Variants in GCN1 observed in about 807,000 individuals in gnomAD.
GCN1 encodes the protein GCN1 activator of EIF2AK4, also known as stalled ribosome sensor GCN1.
In GCN1, 90 loss-of-function variants were observed where a neutral mutation model predicts 288.4. That is an observed-to-expected ratio of 0.31 (90% CI 0.26 to 0.37). The LOEUF (loss-of-function observed/expected upper bound fraction) is 0.37. Ranked by LOEUF, GCN1 falls within the 10% of genes least tolerant of loss-of-function variation. GCN1 has a pLI of 1.00. For missense variants in GCN1, 2,586 were observed against 3,419.9 expected, an observed-to-expected ratio of 0.76 and a Z score of 6.08; for synonymous variants, 1,386 against 1,420.2, an observed-to-expected ratio of 0.98 and a Z score of 0.54.
At chr12:120,146,074 C>T (rs772279837) in intron 38 of GCN1, among the ~76,000 whole-genome samples, 12 of 152,018 alleles carry the variant, frequency 7.9e-5, no homozygotes, top group Non-Finnish European at 1.5e-4. Flanking sequence ...CGAGACCAGC[C>T]TGGCCAACAT....
Position 120,145,052 on chromosome 12 carries a change from C to T in GCN1, c.5026G>A (p.Val1676Ile), listed in dbSNP as rs1336326402. Reference sequence around the variant, plus strand: ...ATGGCCCCAAGGGCCTTTGCAGATACGGTCCGCACCTGTCAGGTAACCGAG... The same window carrying T: ...ATGGCCCCAAGGGCCTTTGCAGATATGGTCCGCACCTGTCAGGTAACCGAG... ...LLDPVPEVRTVSAKALGAMVK... is the reference protein window; with the variant it reads ...LLDPVPEVRTISAKALGAMVK... Residue 1676 changes from valine (V) to isoleucine (I), a missense_variant, in exon 40 of 58, where the codon GTA (valine) becomes ATA (isoleucine). Val to Ile is a conservative substitution (Grantham distance 29, BLOSUM62 3). This residue lies in a region of GCN1 where 371 missense variants were observed against 572.6 expected (regional missense o/e 0.65). Transcript: ENST00000300648. The T allele has an allele frequency of 8.7e-6, 14 of 1,613,840 alleles. No individual in the cohort carries two copies. Among genetic ancestry groups the T allele is most frequent in the Admixed American group, 5.0e-5 (3 of 60,008 alleles).
At chr12:120,193,902 C>A (rs1293795067) in intron 1 of GCN1, among the ~76,000 whole-genome samples, 4 of 152,166 alleles carry the variant, frequency 2.6e-5, no homozygotes, top group African/African-American at 9.7e-5. Context: ...CCAAATCAGC[C>A]CAGCTGTCCT....
In GCN1 at chr12:120,144,833, A is replaced by C; in HGVS notation, c.5158T>G (p.Leu1720Val). ...SVDRSGAAQGLAEVMAGLGVE... is the reference protein window; with the variant it reads ...SVDRSGAAQGVAEVMAGLGVE... ...CCCAAACCGGCCATGACCTCAGCCA[A>C]CCCTGCAACAAAGGACAGAATGAGT... The change falls in exon 41 of 58, where the codon TTG (leucine) becomes GTG (valine). Residue 1720 changes from leucine (L) to valine (V), a missense_variant and splice_region_variant. This residue lies in a region of GCN1 where 371 missense variants were observed against 572.6 expected (regional missense o/e 0.65). Transcript: ENST00000300648. The surrounding 1 kb of genome is among the most constrained non-coding windows in gnomAD (Gnocchi z 4.7). 6.2e-7 allele frequency: 1 copy of C among 1,614,088 alleles called. No individual in the cohort carries two copies. The highest frequency in any genetic ancestry group is 8.5e-7 in the Non-Finnish European group (1 of 1,179,998).
At chr12:120,129,702 C>G (rs936685017) in intron 56 of GCN1, among the ~76,000 whole-genome samples, 1 of 152,126 alleles carries the variant, frequency 6.6e-6, no homozygotes, top group Non-Finnish European at 1.5e-5. Context: ...AGCCCGCATG[C>G]GTTTTTACTT....
intron 10 of GCN1, 82 bp from the exon 11 acceptor site, chr12:120,175,956 C>G (rs1878469765): frequency 6.6e-7 from 1 of 1,503,812 alleles, no homozygotes; most frequent in African/African-American, 1.4e-5. Flanking sequence ...ATGCCCCCAT[C>G]TCTTCAGTAT....
chr12:120,176,623 A>G (rs1414847767), intron 9 of GCN1, among the ~76,000 whole-genome samples: 3 of 152,216 alleles, frequency 2.0e-5, no homozygotes, highest in African/African-American at 7.2e-5. Flanking sequence ...TGAACACTTG[A>G]TATTTTCTGG....
intron 45 of GCN1, 111 bp from the exon 46 acceptor site, chr12:120,138,967 CTT>C (rs1877101773): frequency 1.2e-6 from 1 of 816,750 alleles, no homozygotes; most frequent in African/African-American, 1.7e-5. Flanking sequence ...CCCTAACTCT[CTT>C]TGCCTGACTT....
chr12:120,162,745 T>C (rs1877970030), intron 20 of GCN1, 102 bp downstream of exon 20: 1 of 1,293,996 alleles, frequency 7.7e-7, no homozygotes, highest in Non-Finnish European at 1.1e-6. Context: ...AGCCTACATT[T>C]CATCCATCTT....
intron 21 of GCN1, 103 bp downstream of exon 21, chr12:120,161,777 A>T: frequency 8.8e-7 from 1 of 1,141,712 alleles, no homozygotes; most frequent in Non-Finnish European, 1.3e-6. Context: ...ATGAATGGAT[A>T]GGCTGTTGCA....
intron 18 of GCN1, 31 bp downstream of exon 18, chr12:120,164,305 A>G: frequency 6.3e-7 from 1 of 1,587,156 alleles, no homozygotes. Context: ...TGGATCCAAG[A>G]GCCCCAGTTC....
chr12:120,150,525 G>A (rs1396241821), intron 34 of GCN1, among the ~76,000 whole-genome samples: 2 of 151,900 alleles, frequency 1.3e-5, no homozygotes, highest in African/African-American at 2.4e-5. Context: ...AACCCAGGAG[G>A]TGAAGATTGC....
chr12:120,158,117 G>A lies in GCN1; in HGVS notation c.2906-87C>T. 1.5e-6 allele frequency: 2 copies of A among 1,341,408 alleles called. No homozygotes were observed. Among genetic ancestry groups the A allele is most frequent in the Non-Finnish European group, 2.1e-6 (2 of 959,584 alleles). 83.1% of individuals were successfully genotyped at this position (1,341,408 alleles called of 1,614,324 possible). ...CTATTTCTATCCTCAGGGAAAGTAG[G>A]GAACGGATGGACCAGAGGCCCGTTC... On this transcript the variant is annotated intron_variant, in intron 25 of 57. Coordinates refer to ENST00000300648, the MANE Select transcript of GCN1 (RefSeq NM_006836.2). The surrounding 1 kb of genome is among the most constrained non-coding windows in gnomAD (Gnocchi z 4.3).
rs1416776248 is a variant in GCN1 at position 120,154,917 on chromosome 12, C to T, written c.3701+53G>A. The T allele has an allele frequency of 6.0e-6, 9 of 1,507,630 alleles. No individual in the cohort carries two copies. The Admixed American group carries it at 1.3e-4, about 22-fold the overall frequency. The allele number at this position is 1,507,630 out of a possible 1,614,324, so 93.4% of individuals were successfully genotyped here. The stretch of plus-strand genomic sequence containing the variant: ...CTCCTCACAGCACCCACCCAGCCAA[C>T]CTGCCACATCTCACAAAGCTTGGAG... On this transcript the variant is annotated intron_variant, in intron 31 of 57. Coordinates refer to ENST00000300648, the MANE Select transcript of GCN1 (RefSeq NM_006836.2).
In GCN1 at chr12:120,136,669, C is replaced by T; in HGVS notation, c.6841G>A (p.Glu2281Lys). 6.2e-7 allele frequency: 1 copy of T among 1,614,128 alleles called. No homozygotes were observed. Among genetic ancestry groups the T allele is most frequent in the Non-Finnish European group, 8.5e-7 (1 of 1,180,038 alleles). Residue 2281 changes from glutamate (E) to lysine (K), a missense_variant, in exon 51 of 58, where the codon GAG (glutamate) becomes AAG (lysine). Glu to Lys is a moderately conservative substitution (Grantham distance 56). Coordinates refer to ENST00000300648, the MANE Select transcript of GCN1 (RefSeq NM_006836.2). Reference protein sequence around the residue: ...GVLTGSPEQKEEAAKALGLVI... With the variant: ...GVLTGSPEQKKEAAKALGLVI... The stretch of plus-strand genomic sequence containing the variant: ...AAGCCTAAGGCTTTGGCTGCCTCCT[C>T]CTTCTGCTCAGGGCTGCCAGTCAGG...
At chr12:120,163,780 T>G (rs1878012137) in intron 18 of GCN1, among the ~76,000 whole-genome samples, 1 of 152,230 alleles carries the variant, frequency 6.6e-6, no homozygotes, top group African/African-American at 2.4e-5. Context: ...TAGAAAATGC[T>G]TTAAAAAGTA....
At position 120,157,967 on chromosome 12, in the gene GCN1, G is replaced by A. The variant is rs762831193; in HGVS notation, c.2969C>T (p.Thr990Met). ...LVFPFLKMVL[T>M]EMPHHSEEEE... ...CTCCTCACTGTGGTGGGGCATCTCCGTCAGCACCATCTTCAGAAACGGGAA... is the reference window on the plus strand; with the variant it reads ...CTCCTCACTGTGGTGGGGCATCTCCATCAGCACCATCTTCAGAAACGGGAA... Residue 990 changes from threonine to methionine, a missense_variant, in exon 26 of 58, where the codon ACG (threonine) becomes ATG (methionine). Coordinates refer to ENST00000300648, the MANE Select transcript of GCN1 (RefSeq NM_006836.2). The A allele has an allele frequency of 1.2e-5, 20 of 1,613,882 alleles. No homozygotes were observed. The highest frequency in any genetic ancestry group is 8.3e-5 in the Admixed American group (5 of 60,016).
chr12:120,194,037 C>T (rs973337434), intron 1 of GCN1, among the ~76,000 whole-genome samples: 2 of 152,262 alleles, frequency 1.3e-5, no homozygotes, highest in Non-Finnish European at 2.9e-5. Flanking sequence ...TAACACTCTT[C>T]CTGGACAGGA....
Position 120,184,201 on chromosome 12 carries a change from C to T in GCN1, c.228G>A (p.Gln76=). ...SRRALQAAIQ[Q]LAEAQPEATA... ...TGGCTTCTGGCTGGGCCTCAGCCAACTGCTGGATGGCTGCCTGCAAGGCCC... is the reference window on the plus strand; with the variant it reads ...TGGCTTCTGGCTGGGCCTCAGCCAATTGCTGGATGGCTGCCTGCAAGGCCC... Residue 76 remains glutamine (Q), a synonymous_variant, in exon 4 of 58, where the codon CAG becomes CAA. Transcript: ENST00000300648. 6.2e-7 allele frequency: 1 copy of T among 1,613,876 alleles called. No individual in the cohort carries two copies. Among genetic ancestry groups the T allele is most frequent in the South Asian group, 1.1e-5 (1 of 91,082 alleles).
At position 120,164,468 on chromosome 12, in the gene GCN1, C is replaced by G. The variant is rs372774785; in HGVS notation, c.1716G>C (p.Val572=). Residue 572 remains valine (V), a synonymous_variant, in exon 18 of 58, where the codon GTG becomes GTC. Transcript: ENST00000300648. ...VQQYHRALVA[V]LLSRTWHVRR... ...GGACGTGCCAGGTGCGGCTCAGGAG[C>G]ACCGCCACCAGAGCCCGGTGGTACT... The G allele has an allele frequency of 1.2e-6, 2 of 1,613,974 alleles. No homozygotes were observed. The highest frequency in any genetic ancestry group is 1.7e-6 in the Non-Finnish European group (2 of 1,179,982).
Sources: gnomAD v4.1 joint callset for allele counts (sites outside exome capture counted in the v4.1 genomes callset) on GRCh38, gnomAD v4.1.1 for gene constraint, gnomAD v4.1.1 regional missense constraint, Gnocchi (gnomAD v3.1) non-coding constraint, MANE v1.5 for transcripts, NCBI Gene and HGNC (gene_info 2026-07-23, HGNC 2026-07-21) for gene names.